CHM: variants seen among roughly 807,000 people sequenced by gnomAD.
CHM encodes the protein rab proteins geranylgeranyltransferase component A 1.
CHM carries 10 observed loss-of-function variants against 49.0 expected under a neutral mutation model. The ratio of observed to expected loss-of-function variants is 0.20; its 90% confidence interval spans 0.13 to 0.35. The LOEUF is 0.35. Among genes scored for constraint, CHM ranks in the 10% least tolerant of loss-of-function variants. The probability of loss-of-function intolerance (pLI) is 1.00; values close to 1 mark genes in which losing one functional copy is unlikely to be tolerated. For missense variants in CHM, 455 were observed against 478.4 expected (o/e 0.95, Z 0.46); for synonymous variants, 184 against 167.5 (o/e 1.10, Z -0.76).
At chrX:85,885,886 T>C (rs753245607) in intron 12 of CHM, among the ~76,000 whole-genome samples, 22 of 111,825 alleles carry the variant, frequency 2.0e-4, no homozygotes, top group Non-Finnish European at 2.8e-4. Context: ...TTTTAAGTAG[T>C]TGTTTGAAGG....
chrX:85,929,800 G>A (rs1928313934), intron 8 of CHM, among the ~76,000 whole-genome samples: 2 of 111,677 alleles, frequency 1.8e-5, no homozygotes, highest in Non-Finnish European at 3.8e-5. Flanking sequence ...TTAGGTCTTT[G>A]GTAAGAAATT....
At chrX:85,946,677 C>T (rs776563869) in intron 8 of CHM, among the ~76,000 whole-genome samples, 1 of 112,258 alleles carries the variant, frequency 8.9e-6, no homozygotes, top group South Asian at 3.8e-4. Flanking sequence ...CCACAGAGAA[C>T]CTGTATTAGG....
intron 12 of CHM, among the ~76,000 whole-genome samples, chrX:85,883,757 T>C (rs769948133): frequency 1.8e-5 from 2 of 110,868 alleles, no homozygotes; most frequent in Admixed American, 9.6e-5. Flanking sequence ...AGAAAAAGTA[T>C]ATAAACCAGT....
intron 2 of CHM, among the ~76,000 whole-genome samples, chrX:86,021,174 GTATA>G (rs5902894): frequency 4.3e-5 from 3 of 69,331 alleles, no homozygotes; most frequent in African/African-American, 1.8e-4. Context: ...ATATATATGT[GTATA>G]TATATATATA....
chrX:85,991,395 C>T (rs1264479312), intron 2 of CHM, among the ~76,000 whole-genome samples: 1 of 111,404 alleles, frequency 9.0e-6, no homozygotes, highest in Admixed American at 9.6e-5. Flanking sequence ...CCTACAAATT[C>T]CCAAACTTTT....
chrX:85,987,076 T>A (rs987897028), intron 2 of CHM, among the ~76,000 whole-genome samples: 1 of 110,618 alleles, frequency 9.0e-6, no homozygotes, highest in Non-Finnish European at 1.9e-5. Flanking sequence ...ATCTCAGAAC[T>A]TGCACACTGG....
intron 14 of CHM, among the ~76,000 whole-genome samples, chrX:85,870,072 A>G (rs1923950930): frequency 8.9e-6 from 1 of 111,869 alleles, no homozygotes; most frequent in Non-Finnish European, 1.9e-5. Context: ...GATCCAAAAG[A>G]GTTGAGTTTA....
rs1423234097 is a variant in CHM, at chrX:86,013,476, G to C, written c.116+14015C>G. ...AGGCCAGGGACGGTGGCTCATGCCTGTAATCCCAGCAATTTGGGTGGCCGA... is the reference window on the plus strand; with the variant it reads ...AGGCCAGGGACGGTGGCTCATGCCTCTAATCCCAGCAATTTGGGTGGCCGA... On this transcript the variant is annotated intron_variant, in intron 2 of 14. Transcript: ENST00000357749. Among the ~76,000 whole-genome samples, 4 of 111,768 alleles carry C rather than the reference G, an allele frequency of 3.6e-5. 1 individual carries two copies. Among genetic ancestry groups the C allele is most frequent in the Non-Finnish European group, 1.9e-5 (1 of 53,155 alleles).
Position 86,026,102 on chromosome X carries a change from C to CTTTTTT in CHM, c.116+1383_116+1388dup, listed in dbSNP as rs1167691945. ...CTGGGCTTTCAAGGTAGCAGATTTT[C>CTTTTTT]TTTTTTTTTTTTTTTTTTTTTTTTT... On this transcript the variant is annotated intron_variant, in intron 2 of 14. Coordinates refer to ENST00000357749, the MANE Select transcript of CHM (RefSeq NM_000390.4). 4.5e-4 allele frequency among the ~76,000 whole-genome samples: 12 copies of CTTTTTT among 26,761 alleles called. 2 individuals are homozygous for CTTTTTT. The highest frequency in any genetic ancestry group is 1.2e-3 in the African/African-American group (11 of 8,857). 23.2% of individuals were successfully genotyped at this position (26,761 alleles called of 115,157 possible). A position where few individuals can be genotyped will look rare whatever the true frequency, so the allele number is the denominator to read the frequency against.
intron 11 of CHM, among the ~76,000 whole-genome samples, chrX:85,897,933 T>C (rs1417020097): frequency 9.0e-6 from 1 of 110,575 alleles, no homozygotes; most frequent in Non-Finnish European, 1.9e-5. Context: ...ATTCAGAAGA[T>C]TTACTATGGG....
chrX:85,872,610 A>C (rs2148119906), intron 14 of CHM, among the ~76,000 whole-genome samples: 1 of 112,233 alleles, frequency 8.9e-6, no homozygotes, highest in African/African-American at 3.2e-5. Context: ...AAAATGCATT[A>C]AGACTACTGT....
rs1931641996 is a variant in CHM, at chrX:85,981,886, A to C, written c.117-77T>G. ...ATTCACTGATCTTCATCAACAAACC[A>C]TCTTTAACCCTTAAACTTACTTCAC... On this transcript the variant is annotated intron_variant, in intron 2 of 14. Transcript: ENST00000357749. 3.8e-6 allele frequency: 3 copies of C among 780,600 alleles called. No homozygotes were observed. In the Admixed American group the frequency reaches 9.6e-5, roughly 25 times the overall value. 64.3% of individuals were successfully genotyped at this position (780,600 alleles called of 1,213,427 possible). A position where few individuals can be genotyped will look rare whatever the true frequency, so the allele number is the denominator to read the frequency against.
chrX:85,970,359 G>T, intron 4 of CHM: 1 of 746,162 alleles, frequency 1.3e-6, no homozygotes, highest in Non-Finnish European at 1.6e-6. Context: ...ATACTATATA[G>T]TATTCCAGTA....
chrX:85,952,506 T>C (rs1330190339), intron 8 of CHM, among the ~76,000 whole-genome samples: 2 of 111,638 alleles, frequency 1.8e-5, no homozygotes, highest in East Asian at 5.7e-4. Context: ...GACCCAATCC[T>C]GGCAGGGCTC....
intron 2 of CHM, among the ~76,000 whole-genome samples, chrX:86,010,749 G>A (rs916756794): frequency 9.0e-6 from 1 of 111,423 alleles, no homozygotes; most frequent in Admixed American, 9.6e-5. Context: ...ATAAGGTGAT[G>A]ATGTATTTTG....
intron 8 of CHM, among the ~76,000 whole-genome samples, chrX:85,913,381 A>AAAGAAAGG (rs1927238460): frequency 9.7e-6 from 1 of 103,046 alleles, no homozygotes; most frequent in Admixed American, 1.1e-4. Flanking sequence ...AGAAAGAAAG[A>AAAGAAAGG]AAGAAAAAAG....
intron 9 of CHM, among the ~76,000 whole-genome samples, chrX:85,905,212 C>G (rs896920314): frequency 9.0e-6 from 1 of 111,300 alleles, no homozygotes; most frequent in African/African-American, 3.3e-5. Context: ...TACCTCAAAT[C>G]TCTTTTTATA....
At chrX:85,933,932 C>T (rs1603254930) in intron 8 of CHM, among the ~76,000 whole-genome samples, 1 of 110,615 alleles carries the variant, frequency 9.0e-6, no homozygotes, top group South Asian at 3.7e-4. Context: ...TCACTCAGTA[C>T]ATGAATTCAA....
intron 4 of CHM, among the ~76,000 whole-genome samples, chrX:85,972,066 C>T (rs1930954368): frequency 9.2e-6 from 1 of 108,137 alleles, no homozygotes; most frequent in African/African-American, 3.4e-5. Context: ...GATTGGTGCA[C>T]TCACAAACCT....
Sources: allele counts gnomAD v4.1 joint callset (sites outside exome capture counted in the v4.1 genomes callset), GRCh38; gene constraint gnomAD v4.1.1; transcripts MANE v1.5; gene names NCBI Gene and HGNC (gene_info 2026-07-23, HGNC 2026-07-21).